Variants in MYT1L observed in about 807,000 individuals in gnomAD.
MYT1L encodes myelin transcription factor 1 like.
A neutral mutation model predicts 126.7 loss-of-function variants in MYT1L; 12 were observed. The observed-to-expected ratio is 0.09, with a 90% CI of 0.06 to 0.15. The LOEUF (loss-of-function observed/expected upper bound fraction) is 0.15, where lower values mean the gene tolerates loss of function less well. MYT1L is among the 10% of genes least tolerant of loss of function. MYT1L has a pLI of 1.00. For synonymous variants in MYT1L, 541 were observed against 604.2 expected (o/e 0.90, Z 1.53); for missense variants, 979 against 1,585.2 (o/e 0.62, Z 6.49).
intron 2 of MYT1L, among the ~76,000 whole-genome samples, chr2:2,176,153 G>C (rs946709861): frequency 7.2e-5 from 11 of 152,112 alleles, no homozygotes; most frequent in African/African-American, 2.7e-4. Context: ...TCAGAGAAAA[G>C]AAAGAAATGG....
chr2:1,857,539 C>CT (rs1558775085), intron 18 of MYT1L, among the ~76,000 whole-genome samples: 2 of 152,236 alleles, frequency 1.3e-5, no homozygotes, highest in Admixed American at 6.5e-5. Context: ...TTTCATGTGT[C>CT]TTTTTTCATT....
chr2:2,286,822 G>C (rs2095527543), intron 1 of MYT1L, among the ~76,000 whole-genome samples: 2 of 152,208 alleles, frequency 1.3e-5, no homozygotes, highest in Non-Finnish European at 2.9e-5. Context: ...GCACTTGAAA[G>C]GCCACCTGCA....
At chr2:1,824,270 T>C (rs1013247364) in intron 21 of MYT1L, 2 of 152,218 alleles carry the variant, frequency 1.3e-5, no homozygotes, top group Non-Finnish European at 2.9e-5. Flanking sequence ...AGATTCAGTT[T>C]GGTATTTTCT....
At chr2:1,867,311 C>T (rs11904794) in intron 18 of MYT1L, among the ~76,000 whole-genome samples, 22,281 of 151,982 alleles carry the variant, frequency 0.15, 2,244 homozygotes, top group African/African-American at 0.28. Flanking sequence ...AACCGAGGGT[C>T]GCACACAGGA....
intron 13 of MYT1L, among the ~76,000 whole-genome samples, chr2:1,905,729 C>T (rs1019639199): frequency 6.6e-6 from 1 of 152,140 alleles, no homozygotes; most frequent in Non-Finnish European, 1.5e-5. Flanking sequence ...TTGCCTGTAC[C>T]TCTAGCACAA....
intron 21 of MYT1L, chr2:1,826,172 T>C (rs2148207074): frequency 6.6e-6 from 1 of 152,506 alleles, no homozygotes; most frequent in Middle Eastern, 3.4e-3. Context: ...GCTTCCACCA[T>C]GGGAAAACTG....
intron 2 of MYT1L, among the ~76,000 whole-genome samples, chr2:2,191,262 C>T (rs2092576040): frequency 1.3e-5 from 2 of 152,166 alleles, no homozygotes; most frequent in Admixed American, 1.3e-4. Flanking sequence ...CTGCTAGGAT[C>T]CCTCTTAGGG....
At chr2:2,148,332 C>T (rs1431771233) in intron 3 of MYT1L, among the ~76,000 whole-genome samples, 1 of 152,198 alleles carries the variant, frequency 6.6e-6, no homozygotes, top group African/African-American at 2.4e-5. Flanking sequence ...ATACAGCACA[C>T]AACCTAGATC....
At chr2:2,282,422 A>G (rs1337966100) in intron 2 of MYT1L, among the ~76,000 whole-genome samples, 2 of 152,238 alleles carry the variant, frequency 1.3e-5, no homozygotes, top group East Asian at 3.8e-4. Flanking sequence ...TGACACTGCT[A>G]TGTGTAATGG....
chr2:2,219,300 T>C (rs1241483118), intron 2 of MYT1L, among the ~76,000 whole-genome samples: 1 of 152,002 alleles, frequency 6.6e-6, no homozygotes, highest in African/African-American at 2.4e-5. Flanking sequence ...GACTCACAAC[T>C]GCAGACTGAG....
chr2:2,099,061 G>A (rs1367973716), intron 3 of MYT1L, among the ~76,000 whole-genome samples: 2 of 152,138 alleles, frequency 1.3e-5, no homozygotes, highest in East Asian at 1.9e-4. Context: ...GCATGAGGGA[G>A]GTGGAAACAG....
intron 2 of MYT1L, among the ~76,000 whole-genome samples, chr2:2,231,448 A>AT (rs952499194): frequency 1.3e-5 from 2 of 151,770 alleles, no homozygotes; most frequent in African/African-American, 2.4e-5. Context: ...TTAATTTTTT[A>AT]TTTTTTTGAG....
rs900756070 is a variant in MYT1L, at chr2:2,098,314, G to A, written c.-303-44191C>T. Among the ~76,000 whole-genome samples the A allele has an allele frequency of 3.9e-5, 6 of 152,164 alleles. No individual in the cohort carries two copies. The South Asian group carries it at 1.2e-3, about 32-fold the overall frequency. ...CTTTTCAACAACACCAATAATTTAT[G>A]CTTTTTAAAGGGTCTGAACATTGAA... is the stretch of plus-strand genomic sequence containing the variant. On this transcript the variant is annotated intron_variant, in intron 3 of 24. Transcript: ENST00000647738.
intron 21 of MYT1L, among the ~76,000 whole-genome samples, chr2:1,812,020 G>C (rs1197230276): frequency 1.3e-5 from 2 of 152,216 alleles, no homozygotes; most frequent in Non-Finnish European, 2.9e-5. Flanking sequence ...TCCTAAAATA[G>C]GATGCTTGGA....
Position 1,806,853 on chromosome 2 carries a change from T to C in MYT1L, c.3172+2223A>G, listed in dbSNP as rs892210784. 6.6e-6 allele frequency among the ~76,000 whole-genome samples: 1 copy of C among 152,250 alleles called. No individual in the cohort carries two copies. The highest frequency in any genetic ancestry group is 1.5e-5 in the Non-Finnish European group (1 of 68,034). ...GGCACGTGGACTCGGATCAATTGTC[T>C]AAGGATTTCCACTTTAATCCAGGGT... On this transcript the variant is annotated intron_variant, in intron 22 of 24. Transcript: ENST00000647738. The surrounding 1 kb of genome is among the most constrained non-coding windows in gnomAD (Gnocchi z 4.9).
intron 18 of MYT1L, among the ~76,000 whole-genome samples, chr2:1,872,304 A>C (rs1351228556): frequency 6.6e-6 from 1 of 152,214 alleles, no homozygotes; most frequent in Non-Finnish European, 1.5e-5. Context: ...CATCCAACGA[A>C]AGGTAGAACT....
intron 21 of MYT1L, chr2:1,828,677 G>C (rs2039703041): frequency 6.6e-6 from 1 of 152,118 alleles, no homozygotes; most frequent in African/African-American, 2.4e-5. Flanking sequence ...AGCTCACATA[G>C]TAAGTACTCA....
intron 2 of MYT1L, among the ~76,000 whole-genome samples, chr2:2,202,890 C>A (rs1440825872): frequency 6.6e-6 from 1 of 152,068 alleles, no homozygotes; most frequent in African/African-American, 2.4e-5. Context: ...ACTGGCAAAC[C>A]GAATCCAGCA....
rs1435237520 is a variant in MYT1L at position 2,059,525 on chromosome 2, T to G, written c.-303-5402A>C. 3.9e-5 allele frequency among the ~76,000 whole-genome samples: 6 copies of G among 152,070 alleles called. No homozygotes were observed. The highest frequency in any genetic ancestry group is 1.2e-4 in the African/African-American group (5 of 41,404). ...GGCGGCACTTCATCCCCACTGAGGG[T>G]GGACATGCATGCAGTGAGTTCTCCA... On this transcript the variant is annotated intron_variant, in intron 3 of 24. Transcript: ENST00000647738. This position sits in a 1 kb window ranked among gnomAD's most constrained non-coding sequence, Gnocchi z 4.7.
Sources: gnomAD v4.1 joint callset for allele counts (sites outside exome capture counted in the v4.1 genomes callset) on GRCh38, gnomAD v4.1.1 for gene constraint, Gnocchi (gnomAD v3.1) non-coding constraint, MANE v1.5 for transcripts, NCBI Gene and HGNC (gene_info 2026-07-23, HGNC 2026-07-21) for gene names.